The following PKNOX2 variants were observed in gnomAD, a reference collection of about 807,000 sequenced individuals.
PKNOX2 encodes the protein homeobox protein PKNOX2.
Under a neutral mutation model 53.1 loss-of-function variants are expected in PKNOX2, and 14 were observed. The ratio of observed to expected loss-of-function variants is 0.26; its 90% CI spans 0.17 to 0.41. The LOEUF is 0.41. Ranked by LOEUF, PKNOX2 falls within the 10% of genes least tolerant of loss-of-function variation. The probability of loss-of-function intolerance (pLI) is 1.00; values close to 1 mark genes in which losing one functional copy is unlikely to be tolerated. For synonymous variants in PKNOX2, 257 were observed against 242.8 expected, an observed-to-expected ratio of 1.06 and a Z score of -0.54; for missense variants, 496 against 602.8, an observed-to-expected ratio of 0.82 and a Z score of 1.85.
chr11:125,401,025 G>C (rs1954714013), intron 7 of PKNOX2, among the ~76,000 whole-genome samples: 1 of 151,804 alleles, frequency 6.6e-6, no homozygotes, highest in Admixed American at 6.6e-5. Flanking sequence ...GTGCAAGAAA[G>C]ATGGCCGGGA....
At chr11:125,204,929 T>C (rs1938898720) in intron 1 of PKNOX2, among the ~76,000 whole-genome samples, 1 of 152,174 alleles carries the variant, frequency 6.6e-6, no homozygotes, top group Non-Finnish European at 1.5e-5. Context: ...AACAAGACCG[T>C]ACACTCCCAG....
At chr11:125,295,118 TA>T in intron 2 of PKNOX2, among the ~76,000 whole-genome samples, 1 of 151,932 alleles carries the variant, frequency 6.6e-6, no homozygotes, top group East Asian at 1.9e-4. Context: ...CCGTGGGACA[TA>T]AAGGAACATT....
intron 1 of PKNOX2, among the ~76,000 whole-genome samples, chr11:125,200,896 C>T (rs980006068): frequency 3.3e-5 from 5 of 152,198 alleles, no homozygotes; most frequent in Admixed American, 6.5e-5. Flanking sequence ...GGGACTCCCC[C>T]TCTAGACCGT....
At chr11:125,255,277 C>T (rs1232028306) in intron 2 of PKNOX2, among the ~76,000 whole-genome samples, 3 of 152,222 alleles carry the variant, frequency 2.0e-5, no homozygotes, top group Admixed American at 1.3e-4. Context: ...GTCTCCATGA[C>T]ATCTCCAGAC....
chr11:125,277,050 A>G (rs1946218073), intron 2 of PKNOX2, among the ~76,000 whole-genome samples: 1 of 152,212 alleles, frequency 6.6e-6, no homozygotes, highest in Non-Finnish European at 1.5e-5. Flanking sequence ...CATGAAAAAA[A>G]TGTTTTTAAT....
chr11:125,378,381 A>G (rs766660258), intron 5 of PKNOX2, among the ~76,000 whole-genome samples: 4 of 152,184 alleles, frequency 2.6e-5, no homozygotes, highest in Non-Finnish European at 5.9e-5. Context: ...GAAGATGTCC[A>G]CCAAAAAATC....
chr11:125,288,765 G>A (rs1035885230), intron 2 of PKNOX2, among the ~76,000 whole-genome samples: 9 of 152,266 alleles, frequency 5.9e-5, no homozygotes, highest in Admixed American at 1.3e-4. Context: ...AGTGGGACCC[G>A]CATCATCGGA....
intron 1 of PKNOX2, among the ~76,000 whole-genome samples, chr11:125,201,171 A>G (rs1017466456): frequency 3.9e-5 from 6 of 152,018 alleles, no homozygotes; most frequent in Non-Finnish European, 7.4e-5. Flanking sequence ...CTGAACCCAG[A>G]TTGCTGCTTG....
At chr11:125,242,460 G>A (rs748795180) in intron 2 of PKNOX2, among the ~76,000 whole-genome samples, 43 of 152,178 alleles carry the variant, frequency 2.8e-4, no homozygotes, top group Admixed American at 5.2e-4. Context: ...TAGGATGCCT[G>A]CATGTACCTG....
At chr11:125,206,038 G>T (rs1939060636) in intron 1 of PKNOX2, among the ~76,000 whole-genome samples, 1 of 152,036 alleles carries the variant, frequency 6.6e-6, no homozygotes, top group African/African-American at 2.4e-5. Flanking sequence ...GATCTGAAAT[G>T]ACCGGGGCCT....
intron 2 of PKNOX2, among the ~76,000 whole-genome samples, chr11:125,247,118 C>G (rs1403705277): frequency 1.3e-5 from 2 of 152,144 alleles, no homozygotes; most frequent in Non-Finnish European, 2.9e-5. Context: ...CCTCCCAGGC[C>G]CCAACAGTTT....
chr11:125,347,196 C>T (rs1174026511), intron 3 of PKNOX2, among the ~76,000 whole-genome samples: 1 of 152,064 alleles, frequency 6.6e-6, no homozygotes, highest in Admixed American at 6.5e-5. Flanking sequence ...CAGTGAGGGG[C>T]CAAGCGAGCT....
At chr11:125,207,418 A>G (rs1939265547) in intron 1 of PKNOX2, among the ~76,000 whole-genome samples, 1 of 152,068 alleles carries the variant, frequency 6.6e-6, no homozygotes, top group Non-Finnish European at 1.5e-5. Context: ...AAGCTCTCCC[A>G]GGGAGCATGT....
chr11:125,260,482 C>A (rs1310276647), intron 2 of PKNOX2, among the ~76,000 whole-genome samples: 1 of 151,758 alleles, frequency 6.6e-6, no homozygotes, highest in African/African-American at 2.4e-5. Flanking sequence ...CAGACGTGAG[C>A]CACCATGCCC....
chr11:125,210,633 A>G (rs1022050547), intron 1 of PKNOX2, among the ~76,000 whole-genome samples: 10 of 152,090 alleles, frequency 6.6e-5, no homozygotes, highest in African/African-American at 2.4e-4. Context: ...AGGGAGGTCA[A>G]CTGTTTCTGT....
intron 5 of PKNOX2, among the ~76,000 whole-genome samples, chr11:125,372,390 C>T (rs1952608193): frequency 6.6e-6 from 1 of 152,224 alleles, no homozygotes; most frequent in African/African-American, 2.4e-5. Flanking sequence ...TGCGTAAGCC[C>T]ATCTTACAGG....
rs555272256 is a variant in PKNOX2, at chr11:125,422,533, A to G, written c.937-6479A>G. Among the ~76,000 whole-genome samples the G allele has an allele frequency of 6.6e-6, 1 of 152,214 alleles. No homozygotes were observed. Among genetic ancestry groups the G allele is most frequent in the East Asian group, 1.9e-4 (1 of 5,178 alleles). The stretch of plus-strand genomic sequence containing the variant: ...TCCCAGGGTGTGTGCCCTGCTGGCA[A>G]TGTGTCCCCAGGGAAGGAAGAATTG... On this transcript the variant is annotated intron_variant, in intron 10 of 12. Transcript: ENST00000298282. The surrounding 1 kb of genome is among the most constrained non-coding windows in gnomAD (Gnocchi z 4.1).
At chr11:125,307,553 T>A (rs555143017) in intron 2 of PKNOX2, among the ~76,000 whole-genome samples, 4 of 152,326 alleles carry the variant, frequency 2.6e-5, no homozygotes, top group African/African-American at 9.6e-5. Flanking sequence ...AGTGAAACTC[T>A]GTCTCAAAAA....
intron 2 of PKNOX2, among the ~76,000 whole-genome samples, chr11:125,310,324 A>C (rs944192976): frequency 6.6e-6 from 1 of 151,934 alleles, no homozygotes; most frequent in Non-Finnish European, 1.5e-5. Flanking sequence ...GTGAAACCAC[A>C]TCTCTACTAA....
Sources: allele counts gnomAD v4.1 joint callset (sites outside exome capture counted in the v4.1 genomes callset), GRCh38; gene constraint gnomAD v4.1.1; non-coding constraint Gnocchi (gnomAD v3.1); transcripts MANE v1.5; gene names NCBI Gene and HGNC (gene_info 2026-07-23, HGNC 2026-07-21).